The following EVC variants were observed in gnomAD, a reference collection of about 807,000 sequenced individuals.
EVC encodes the protein EvC ciliary complex subunit 1, also known as evC complex member EVC.
EVC carries 116 observed loss-of-function variants against 118.9 expected under a neutral mutation model. The observed-to-expected ratio is 0.98, with a 90% CI of 0.84 to 1.14. The LOEUF is 1.14. Among genes scored for constraint, EVC ranks in the 50% most tolerant of loss-of-function variants. The pLI is 0.00. For missense variants in EVC, 1,401 were observed against 1,246.4 expected (o/e 1.12, Z -1.87); for synonymous variants, 619 against 534.7 (o/e 1.16, Z -2.18).
intron 1 of EVC, among the ~76,000 whole-genome samples, chr4:5,717,915 C>G (rs1415874535): frequency 1.3e-5 from 2 of 152,192 alleles, no homozygotes; most frequent in African/African-American, 4.8e-5. Flanking sequence ...AATGTCAATG[C>G]CACAAAAGCA....
intron 2 of EVC, among the ~76,000 whole-genome samples, chr4:5,728,264 A>C (rs1428560123): frequency 2.0e-5 from 3 of 152,052 alleles, no homozygotes; most frequent in African/African-American, 7.2e-5. Context: ...AGTGGTTTGT[A>C]GTTCTCCTTG....
the EVC span, among the ~76,000 whole-genome samples, chr4:5,819,375 C>T: frequency 6.6e-6 from 1 of 152,190 alleles, no homozygotes; most frequent in Non-Finnish European, 1.5e-5. Context: ...TCTCCCTCCT[C>T]CCAAAATCTC....
In EVC at chr4:5,794,251, TTATATGTATTTATATATTTA is replaced by T. The variant is rs1175600117; in HGVS notation, c.1886+540_1886+559del. 7.6e-3 allele frequency among the ~76,000 whole-genome samples: 237 copies of T among 31,272 alleles called. 2 individuals are homozygous for T. The highest frequency in any genetic ancestry group is 0.026 in the South Asian group (10 of 382). The allele number at this position is 31,272 out of a possible 152,430, so 20.5% of individuals were successfully genotyped here. A position where few individuals can be genotyped will look rare whatever the true frequency, so the allele number is the denominator to read the frequency against. On this transcript the variant is annotated intron_variant, in intron 13 of 20. Coordinates refer to ENST00000264956, the MANE Select transcript of EVC (RefSeq NM_153717.3). ...AATATATATATATTTATATATATAT[TTATATGTATTTATATATTTA>T]TATATATTTATATATATTTTTATAT...
chr4:5,735,823 G>A (rs931297649), intron 5 of EVC, among the ~76,000 whole-genome samples: 6 of 152,162 alleles, frequency 3.9e-5, no homozygotes, highest in African/African-American at 7.2e-5. Flanking sequence ...TGTGTTGCAT[G>A]TGTGATTGGC....
At chr4:5,753,758 C>G in intron 9 of EVC, 27 bp from the exon 10 acceptor site, 1 of 1,614,136 alleles carries the variant, frequency 6.2e-7, no homozygotes. Context: ...GAGTCACCTC[C>G]TATGCTGTGG....
At chr4:5,750,361 A>G (rs1003109129) in intron 8 of EVC, among the ~76,000 whole-genome samples, 5 of 152,242 alleles carry the variant, frequency 3.3e-5, no homozygotes, top group Non-Finnish European at 7.3e-5. Flanking sequence ...CTCTGGCCAG[A>G]GTATCAGCCA....
chr4:5,811,345 C>T lies in EVC; in HGVS notation c.*308C>T. 2 of 391,088 alleles carry T rather than the reference C, an allele frequency of 5.1e-6. No individual in the cohort carries two copies. The highest frequency in any genetic ancestry group is 9.6e-6 in the Non-Finnish European group (2 of 207,318). The allele number at this position is 391,088 out of a possible 1,614,324, so 24.2% of individuals were successfully genotyped here. A position where few individuals can be genotyped will look rare whatever the true frequency, so the allele number is the denominator to read the frequency against. On this transcript the variant is annotated 3_prime_UTR_variant, in exon 21 of 21. Transcript: ENST00000264956. Reference sequence around the variant, plus strand: ...GGGACGTCTTGAGGGGTCCGAGCCTCAGGCCAAGGACCCCTGATGCAGACT... The same window carrying T: ...GGGACGTCTTGAGGGGTCCGAGCCTTAGGCCAAGGACCCCTGATGCAGACT...
At chr4:5,779,907 C>G (rs1322617874) in intron 11 of EVC, among the ~76,000 whole-genome samples, 1 of 149,150 alleles carries the variant, frequency 6.7e-6, no homozygotes, top group African/African-American at 2.5e-5. Context: ...AGAGGGCATC[C>G]CTGTCTTGTG....
At chr4:5,748,411 T>C in intron 8 of EVC, 105 bp downstream of exon 8, 1 of 1,283,854 alleles carries the variant, frequency 7.8e-7, no homozygotes, top group South Asian at 1.3e-5. Context: ...TTGTAGCTGG[T>C]TATATAGAGC....
chr4:5,797,350 G>C, intron 14 of EVC, 118 bp downstream of exon 14: 2 of 867,608 alleles, frequency 2.3e-6, no homozygotes, highest in South Asian at 1.4e-5. Flanking sequence ...TGCAGGGTGC[G>C]GTATTCATTC....
chr4:5,804,779 C>T lies in EVC; in HGVS notation c.2499C>T (p.Asn833=), dbSNP rs2152375210. The T allele has an allele frequency of 6.2e-7, 1 of 1,614,208 alleles. No individual in the cohort carries two copies. Among genetic ancestry groups the T allele is most frequent in the East Asian group, 2.2e-5 (1 of 44,876 alleles). The change falls in exon 17 of 21, where the codon AAC becomes AAT. Residue 833 remains asparagine (N), a synonymous_variant. Coordinates refer to ENST00000264956, the MANE Select transcript of EVC (RefSeq NM_153717.3). ...YKLRKKQELS[N]PSSGSRTAGG... ...TGCGGAAAAAGCAAGAACTCAGCAA[C>T]CCTTCGTCGGGCAGCAGGACGGCAG... is the stretch of plus-strand genomic sequence containing the variant.
intron 11 of EVC, among the ~76,000 whole-genome samples, chr4:5,767,674 C>T (rs1004515891): frequency 6.6e-6 from 1 of 152,126 alleles, no homozygotes; most frequent in Admixed American, 6.5e-5. Context: ...CAGGTGCCAT[C>T]TGTCACCCCT....
chr4:5,800,641 C>T (rs972169194), intron 15 of EVC, among the ~76,000 whole-genome samples: 5 of 151,882 alleles, frequency 3.3e-5, no homozygotes, highest in Admixed American at 1.3e-4. Flanking sequence ...TGCTGACCTT[C>T]GGGGAAAGAG....
intron 11 of EVC, chr4:5,757,946 G>A (rs1483423097): frequency 3.3e-6 from 2 of 613,840 alleles, no homozygotes; most frequent in Admixed American, 2.7e-5. Context: ...AAAACGTCAT[G>A]TCCATCTGGA....
In EVC at chr4:5,783,089, CGT is replaced by C. The variant is rs142165642; in HGVS notation, c.1564-450_1564-449del. 3.1e-3 allele frequency among the ~76,000 whole-genome samples: 465 copies of C among 150,190 alleles called. 4 individuals are homozygous for C. Among genetic ancestry groups the C allele is most frequent in the African/African-American group, 8.3e-3 (339 of 40,614 alleles). The stretch of plus-strand genomic sequence containing the variant: ...TGCATCCCAAGGCTGTGCGTGTGTG[CGT>C]GTGTGTGTGTGTAGGAGTGTGTCTA... On this transcript the variant is annotated intron_variant, in intron 11 of 20. Coordinates refer to ENST00000264956, the MANE Select transcript of EVC (RefSeq NM_153717.3).
intron 11 of EVC, among the ~76,000 whole-genome samples, chr4:5,762,408 T>A (rs1664881170): frequency 7.4e-6 from 1 of 134,250 alleles, no homozygotes; most frequent in Non-Finnish European, 1.6e-5. Context: ...GTCCTTTGGG[T>A]ATATACCCAG....
downstream of EVC, chr4:5,814,454 G>T (rs534856240): frequency 6.6e-6 from 1 of 152,266 alleles, no homozygotes; most frequent in Non-Finnish European, 1.5e-5. Flanking sequence ...GGCCAGGGCG[G>T]TGCTGATCTT....
At chr4:5,732,559 CTT>C (rs1032823077) in intron 4 of EVC, among the ~76,000 whole-genome samples, 1 of 152,220 alleles carries the variant, frequency 6.6e-6, no homozygotes, top group Non-Finnish European at 1.5e-5. Context: ...AGGTCAAAGA[CTT>C]TTACACTCTG....
chr4:5,819,248 G>A (rs1340282115), downstream of EVC, among the ~76,000 whole-genome samples: 1 of 152,202 alleles, frequency 6.6e-6, no homozygotes, highest in East Asian at 1.9e-4. Context: ...CTGCCAACAA[G>A]ATGACCACAT....
Sources: gnomAD v4.1 joint callset for allele counts (sites outside exome capture counted in the v4.1 genomes callset) on GRCh38, gnomAD v4.1.1 for gene constraint, MANE v1.5 for transcripts, NCBI Gene and HGNC (gene_info 2026-07-23, HGNC 2026-07-21) for gene names.